The following FLVCR1 variants were observed in gnomAD, a reference collection of about 807,000 sequenced individuals.
FLVCR1 encodes the protein FLVCR choline and heme transporter 1, also known as choline/ethanolamine transporter FLVCR1.
In FLVCR1, 34 loss-of-function variants were observed where a neutral mutation model predicts 53.6. The ratio of observed to expected loss-of-function variants is 0.63; its 90% CI spans 0.48 to 0.84. The LOEUF is 0.84. FLVCR1 is among the 40% of genes least tolerant of loss of function. The pLI, the probability that FLVCR1 is intolerant of heterozygous loss-of-function variation, is 0.00. For synonymous variants in FLVCR1, 300 were observed against 286.3 expected (o/e 1.05, Z -0.48); for missense variants, 677 against 696.7 (o/e 0.97, Z 0.32).
chr1:212,868,788 T>A lies in FLVCR1; in HGVS notation c.884-3890T>A, dbSNP rs915432542. Among the ~76,000 whole-genome samples, 15 of 152,368 alleles carry A rather than the reference T, an allele frequency of 9.8e-5. No homozygotes were observed. In the East Asian group the frequency reaches 1.5e-3, roughly 16 times the overall value. ...CTCCTGAGGCAGTCTCTGATTTTTT[T>A]AAATAAATATTCCTCAAAAAAAGAC... is the stretch of plus-strand genomic sequence containing the variant. On this transcript the variant is annotated intron_variant, in intron 2 of 9. Transcript: ENST00000366971.
At position 212,897,343 on chromosome 1, in the gene FLVCR1, A is replaced by C. The variant is rs1182467609; in HGVS notation, c.*2053A>C. 1.0e-5 allele frequency: 1 copy of C among 97,594 alleles called. No individual in the cohort carries two copies. The highest frequency in any genetic ancestry group is 1.9e-5 in the Non-Finnish European group (1 of 51,348). 6.0% of individuals were successfully genotyped at this position (97,594 alleles called of 1,614,324 possible). A position where few individuals can be genotyped will look rare whatever the true frequency, so the allele number is the denominator to read the frequency against. The stretch of plus-strand genomic sequence containing the variant: ...ATGGCAAAACCCCATCTCTACTAAA[A>C]ATACATACACACACACACACACACA... On this transcript the variant is annotated 3_prime_UTR_variant, in exon 10 of 10. Transcript: ENST00000366971.
rs1018899278 is a variant in FLVCR1, at chr1:212,897,766, C to A, written c.*2476C>A. ...AACAACCAGATTTTGTGAAAACTCA[C>A]TCATTACTGCAAGGACAGCACCAAG... On this transcript the variant is annotated 3_prime_UTR_variant, in exon 10 of 10. Coordinates refer to ENST00000366971, the MANE Select transcript of FLVCR1 (RefSeq NM_014053.4). 2.6e-5 allele frequency: 4 copies of A among 152,170 alleles called. No homozygotes were observed. Among genetic ancestry groups the A allele is most frequent in the African/African-American group, 7.2e-5 (3 of 41,432 alleles). The allele number at this position is 152,170 out of a possible 1,614,324, so 9.4% of individuals were successfully genotyped here. A position where few individuals can be genotyped will look rare whatever the true frequency, so the allele number is the denominator to read the frequency against.
Position 212,888,591 on chromosome 1 carries a change from A to C in FLVCR1, c.1410A>C (p.Ala470=). 6.3e-7 allele frequency: 1 copy of C among 1,599,456 alleles called. No homozygotes were observed. The highest frequency in any genetic ancestry group is 8.6e-7 in the Non-Finnish European group (1 of 1,166,760). The change falls in exon 7 of 10, where the codon GCA becomes GCC. Residue 470 remains alanine (A), a synonymous_variant. Coordinates refer to ENST00000366971, the MANE Select transcript of FLVCR1 (RefSeq NM_014053.4). ...CATCTGGTCTTCTTAATGCTTCTGC[A>C]CAGGTAAACCTCTGATTTCTCTAAA... ...GTSSGLLNAS[A]QIFGILFTLA...
chr1:212,863,645 C>G, intron 1 of FLVCR1, 80 bp from the exon 2 acceptor site: 1 of 1,231,042 alleles, frequency 8.1e-7, no homozygotes, highest in Non-Finnish European at 1.2e-6. Flanking sequence ...ACTAGCTGTC[C>G]TCTTTATGTT....
At chr1:212,883,284 T>C in intron 3 of FLVCR1, 87 bp from the exon 4 acceptor site, 1 of 766,296 alleles carries the variant, frequency 1.3e-6, no homozygotes. Flanking sequence ...CCATGTCACT[T>C]CATGAACTGG....
chr1:212,861,204 T>C (rs1426669106), intron 1 of FLVCR1, among the ~76,000 whole-genome samples: 2 of 152,212 alleles, frequency 1.3e-5, no homozygotes, highest in Non-Finnish European at 2.9e-5. Context: ...CTTTCTCTGC[T>C]CTGTGCAGAA....
chr1:212,862,669 T>A (rs1664281267), intron 1 of FLVCR1, among the ~76,000 whole-genome samples: 1 of 152,230 alleles, frequency 6.6e-6, no homozygotes, highest in Non-Finnish European at 1.5e-5. Context: ...TTTGTTTGAA[T>A]TTCTGTTTTC....
At chr1:212,883,247 G>A (rs1664969375) in intron 3 of FLVCR1, 124 bp from the exon 4 acceptor site, 3 of 670,896 alleles carry the variant, frequency 4.5e-6, no homozygotes, top group East Asian at 2.7e-5. Flanking sequence ...GTTAAGAAAT[G>A]TATTTCCACA....
At chr1:212,874,533 T>C (rs941746407) in intron 3 of FLVCR1, among the ~76,000 whole-genome samples, 6 of 145,372 alleles carry the variant, frequency 4.1e-5, no homozygotes, top group African/African-American at 1.5e-4. Context: ...TTTCTTTTTT[T>C]TTTTTTTTTT....
At chr1:212,879,881 C>G (rs1015178566) in intron 3 of FLVCR1, among the ~76,000 whole-genome samples, 17 of 151,808 alleles carry the variant, frequency 1.1e-4, no homozygotes, top group African/African-American at 4.1e-4. Context: ...TGAGGTTGCA[C>G]TATTTGGAGA....
rs5780703 is a variant in FLVCR1 at position 212,886,042 on chromosome 1, C to CTTTTTTTTT, written c.1196+656_1196+664dup. On this transcript the variant is annotated intron_variant, in intron 5 of 9. Coordinates refer to ENST00000366971, the MANE Select transcript of FLVCR1 (RefSeq NM_014053.4). ...GACTTTTGATAGACTTTATCTTGTT[C>CTTTTTTTTT]TTTTTTTTTTTTTTTTTTAGGTGGG... Among the ~76,000 whole-genome samples the CTTTTTTTTT allele has an allele frequency of 5.8e-5, 7 of 121,118 alleles. 1 individual carries two copies. Among genetic ancestry groups the CTTTTTTTTT allele is most frequent in the East Asian group, 4.9e-4 (2 of 4,122 alleles). 79.5% of individuals were successfully genotyped at this position (121,118 alleles called of 152,430 possible). A position where few individuals can be genotyped will look rare whatever the true frequency, so the allele number is the denominator to read the frequency against.
At chr1:212,861,419 C>T (rs1418397916) in intron 1 of FLVCR1, among the ~76,000 whole-genome samples, 2 of 152,158 alleles carry the variant, frequency 1.3e-5, no homozygotes, top group African/African-American at 4.8e-5. Flanking sequence ...GGTGCTCCCC[C>T]AAAGTACTCT....
chr1:212,860,631 T>C (rs1377558953), intron 1 of FLVCR1, among the ~76,000 whole-genome samples: 1 of 152,202 alleles, frequency 6.6e-6, no homozygotes, highest in African/African-American at 2.4e-5. Context: ...CTCATCCCTG[T>C]CTCATATGTT....
chr1:212,876,374 T>C (rs1264156689), intron 3 of FLVCR1, among the ~76,000 whole-genome samples: 1 of 90,766 alleles, frequency 1.1e-5, no homozygotes, highest in Non-Finnish European at 2.3e-5. Context: ...TCTCATTTCT[T>C]TTTTTTTTTT....
chr1:212,879,387 CGTGCCTAAT>C (rs1664859344), intron 3 of FLVCR1, among the ~76,000 whole-genome samples: 1 of 152,094 alleles, frequency 6.6e-6, no homozygotes, highest in Admixed American at 6.6e-5. Flanking sequence ...TGTCCCCCTC[CGTGCCTAAT>C]ATGATATATA....
intron 8 of FLVCR1, among the ~76,000 whole-genome samples, chr1:212,891,261 C>A (rs10864024): frequency 0.62 from 93,846 of 150,158 alleles, 30,861 homozygotes; most frequent in East Asian, 0.91. Context: ...ATACAAAAAA[C>A]TTTAGCCAGT....
chr1:212,880,415 C>T (rs1664890933), intron 3 of FLVCR1, among the ~76,000 whole-genome samples: 1 of 152,126 alleles, frequency 6.6e-6, no homozygotes, highest in African/African-American at 2.4e-5. Flanking sequence ...ATTAAGATGC[C>T]ATGAGTAAGG....
intron 5 of FLVCR1, among the ~76,000 whole-genome samples, chr1:212,887,091 C>T (rs1665083365): frequency 6.6e-6 from 1 of 152,170 alleles, no homozygotes; most frequent in Admixed American, 6.5e-5. Context: ...TATTATTAGT[C>T]TAAACGCTAC....
chr1:212,859,185 A>G lies in FLVCR1; in HGVS notation c.733A>G (p.Asn245Asp). 1.9e-6 allele frequency: 3 copies of G among 1,614,074 alleles called. No individual in the cohort carries two copies. In the East Asian group the frequency reaches 6.7e-5, roughly 36 times the overall value. The change falls in exon 1 of 10, where the codon AAT becomes GAT. Residue 245 changes from asparagine (N) to aspartate (D), a missense_variant. Coordinates refer to ENST00000366971, the MANE Select transcript of FLVCR1 (RefSeq NM_014053.4). ...STACATAVLG[N>D]QLGTAVGFLL... The stretch of plus-strand genomic sequence containing the variant: ...AGCTTGTGCCACCGCCGTGCTGGGC[A>G]ATCAGGTAAGTACTGGAGTGGTAGG...
Sources: allele counts gnomAD v4.1 joint callset (sites outside exome capture counted in the v4.1 genomes callset), GRCh38; gene constraint gnomAD v4.1.1; transcripts MANE v1.5; gene names NCBI Gene and HGNC (gene_info 2026-07-23, HGNC 2026-07-21).